Variants in SDK2 observed in about 807,000 individuals in gnomAD.
SDK2 encodes the protein sidekick cell adhesion molecule 2, also known as protein sidekick-2.
In SDK2, 105 loss-of-function variants were observed where a neutral mutation model predicts 253.9. The ratio of observed to expected loss-of-function variants is 0.41; its 90% confidence interval spans 0.35 to 0.49. The LOEUF is 0.49. Ranked by LOEUF, SDK2 falls within the 20% of genes least tolerant of loss-of-function variation. The pLI is 0.06. For synonymous variants in SDK2, 1,249 were observed against 1,234.9 expected (o/e 1.01, Z -0.24); for missense variants, 2,608 against 3,003.0 (o/e 0.87, Z 3.07).
chr17:73,415,584 C>T lies in SDK2; in HGVS notation c.2368+227G>A, dbSNP rs144412151. On this transcript the variant is annotated intron_variant, in intron 17 of 44. Transcript: ENST00000392650. ...TTAGCCTCAAACTCCTGGGCCCAAG[C>T]GATCCACCTGCCATAGCCTCCTGAG... Among the ~76,000 whole-genome samples, 8 of 152,122 alleles carry T rather than the reference C, an allele frequency of 5.3e-5. No homozygotes were observed. In the East Asian group the frequency reaches 1.4e-3, roughly 26 times the overall value.
At chr17:73,635,461 T>C (rs1348975097) in intron 1 of SDK2, among the ~76,000 whole-genome samples, 2 of 152,208 alleles carry the variant, frequency 1.3e-5, no homozygotes, top group East Asian at 3.9e-4. Flanking sequence ...TTTTTGACCT[T>C]TACTCAGATT....
intron 1 of SDK2, chr17:73,640,952 A>G (rs2046391205): frequency 6.6e-6 from 1 of 152,226 alleles, no homozygotes; most frequent in Non-Finnish European, 1.5e-5. Flanking sequence ...GCACATGGGA[A>G]ATCTCTCGAG....
Position 73,422,520 on chromosome 17 carries a change from C to T in SDK2, c.1898-86G>A, listed in dbSNP as rs1022901341. On this transcript the variant is annotated intron_variant, in intron 14 of 44. Coordinates refer to ENST00000392650, the MANE Select transcript of SDK2 (RefSeq NM_001144952.2). ...ACTCCCCACTCCCAGCAGGGTCCAG[C>T]TTCACTGGGGCTGGCAAGAGAGAGC... The T allele has an allele frequency of 2.0e-6, 3 of 1,475,030 alleles. No homozygotes were observed. In the African/African-American group the frequency reaches 4.2e-5, roughly 20 times the overall value. 91.4% of individuals were successfully genotyped at this position (1,475,030 alleles called of 1,614,324 possible). A position where few individuals can be genotyped will look rare whatever the true frequency, so the allele number is the denominator to read the frequency against.
intron 1 of SDK2, among the ~76,000 whole-genome samples, chr17:73,557,969 C>T (rs771944795): frequency 2.6e-5 from 4 of 152,212 alleles, no homozygotes; most frequent in African/African-American, 4.8e-5. Flanking sequence ...CTCAGCCTCT[C>T]CCCAGGGCTC....
chr17:73,592,187 A>G (rs2045692210), intron 1 of SDK2, among the ~76,000 whole-genome samples: 1 of 152,226 alleles, frequency 6.6e-6, no homozygotes, highest in Non-Finnish European at 1.5e-5. Flanking sequence ...CAACTGGAAG[A>G]AAGCATCATG....
Position 73,437,739 on chromosome 17 carries a change from C to A in SDK2, c.1000G>T (p.Gly334Cys), listed in dbSNP as rs2063381058. The change falls in exon 8 of 45, where the codon GGT becomes TGT. Residue 334 changes from glycine (G) to cysteine (C), a missense_variant and splice_region_variant. Around this residue, in one of 2 missense-constraint regions of SDK2, gnomAD observed 1,505 missense variants for 1,859.1 expected, o/e 0.81. Transcript: ENST00000392650. ...CCCTCCAGCGGTGCCACCTCATTACCTTTGGCCTGACAGGGGATGTCCACC... is the reference window on the plus strand; with the variant it reads ...CCCTCCAGCGGTGCCACCTCATTACATTTGGCCTGACAGGGGATGTCCACC... Reference protein sequence around the residue: ...KVVDIPCQAKGVPPPSITWYK... With the variant: ...KVVDIPCQAKCVPPPSITWYK... The A allele has an allele frequency of 6.2e-7, 1 of 1,613,654 alleles. No homozygotes were observed. Among genetic ancestry groups the A allele is most frequent in the East Asian group, 2.2e-5 (1 of 44,888 alleles).
At chr17:73,568,341 T>G (rs2045336467) in intron 1 of SDK2, among the ~76,000 whole-genome samples, 1 of 152,194 alleles carries the variant, frequency 6.6e-6, no homozygotes, top group Non-Finnish European at 1.5e-5. Flanking sequence ...GCTAGAAAGA[T>G]GCTAGTGCCA....
chr17:73,372,085 G>A (rs1019332069), intron 36 of SDK2, among the ~76,000 whole-genome samples: 24 of 152,238 alleles, frequency 1.6e-4, no homozygotes, highest in Non-Finnish European at 1.5e-5. Flanking sequence ...AATGGCTGCA[G>A]TCATGCTCTT....
chr17:73,467,912 G>T lies in SDK2; in HGVS notation c.331+4200C>A, dbSNP rs2063614141. ...CTGGTGGACAGGGGGAGGTTAACCTGGGTCTCTCTCTCTGCTCCCCCTTCA... is the reference window on the plus strand; with the variant it reads ...CTGGTGGACAGGGGGAGGTTAACCTTGGTCTCTCTCTCTGCTCCCCCTTCA... On this transcript the variant is annotated intron_variant, in intron 3 of 44. Coordinates refer to ENST00000392650, the MANE Select transcript of SDK2 (RefSeq NM_001144952.2). This position sits in a 1 kb window ranked among gnomAD's most constrained non-coding sequence, Gnocchi z 4.1. Among the ~76,000 whole-genome samples, 2 of 152,154 alleles carry T rather than the reference G, an allele frequency of 1.3e-5. No individual in the cohort carries two copies. Among genetic ancestry groups the T allele is most frequent in the African/African-American group, 2.4e-5 (1 of 41,434 alleles).
chr17:73,521,619 T>C (rs1159693847), intron 1 of SDK2, among the ~76,000 whole-genome samples: 1 of 152,086 alleles, frequency 6.6e-6, no homozygotes, highest in Non-Finnish European at 1.5e-5. Flanking sequence ...CTCCTCTGGG[T>C]TCTGGAGGGT....
At chr17:73,640,672 G>T (rs2046387645) in intron 1 of SDK2, among the ~76,000 whole-genome samples, 1 of 152,192 alleles carries the variant, frequency 6.6e-6, no homozygotes, top group East Asian at 1.9e-4. Context: ...GCTCCCTTGT[G>T]TACTGTTGGC....
At chr17:73,469,800 C>T (rs1340773896) in intron 3 of SDK2, among the ~76,000 whole-genome samples, 1 of 152,098 alleles carries the variant, frequency 6.6e-6, no homozygotes, top group Non-Finnish European at 1.5e-5. Context: ...GAAACACTGA[C>T]CTCCCTTCCT....
chr17:73,424,201 A>T (rs1214079555), intron 12 of SDK2, 109 bp from the exon 13 acceptor site: 6 of 849,510 alleles, frequency 7.1e-6, no homozygotes. Context: ...GGCAGAGGAC[A>T]ACTGCAGGCA....
chr17:73,590,256 C>T (rs149228091), intron 1 of SDK2, among the ~76,000 whole-genome samples: 2 of 152,232 alleles, frequency 1.3e-5, no homozygotes, highest in African/African-American at 2.4e-5. Context: ...GAATCTGTTA[C>T]TGTAATCCAG....
rs4969103 is a variant in SDK2 at position 73,336,082 on chromosome 17, C to T, written c.*2505G>A. On this transcript the variant is annotated 3_prime_UTR_variant, in exon 45 of 45. Coordinates refer to ENST00000392650, the MANE Select transcript of SDK2 (RefSeq NM_001144952.2). ...ACTCCTGCTTCCTCCCAAATAATCC[C>T]TCACTGGGCTGGGCTTAAATAATTC... The T allele has an allele frequency of 2.0e-5, 3 of 151,960 alleles. No individual in the cohort carries two copies. Among genetic ancestry groups the T allele is most frequent in the Non-Finnish European group, 4.4e-5 (3 of 68,012 alleles). The allele number at this position is 151,960 out of a possible 1,614,324, so 9.4% of individuals were successfully genotyped here. A position where few individuals can be genotyped will look rare whatever the true frequency, so the allele number is the denominator to read the frequency against.
intron 3 of SDK2, among the ~76,000 whole-genome samples, chr17:73,469,102 C>T (rs182408857): frequency 2.5e-4 from 38 of 152,326 alleles, no homozygotes; most frequent in Admixed American, 2.1e-3. Context: ...GGATTACAGG[C>T]GTGAGCCACT....
chr17:73,451,031 A>G (rs1040089238), intron 4 of SDK2, among the ~76,000 whole-genome samples: 2 of 152,242 alleles, frequency 1.3e-5, no homozygotes, highest in Admixed American at 6.5e-5. Flanking sequence ...GCTTGCATCC[A>G]GGTGGGGCAG....
intron 32 of SDK2, among the ~76,000 whole-genome samples, 183 bp downstream of exon 32, chr17:73,385,664 G>A (rs1444369570): frequency 6.6e-5 from 10 of 152,180 alleles, no homozygotes; most frequent in African/African-American, 2.4e-4. Context: ...TGTATGTGTG[G>A]GCACACGGTG....
Position 73,445,808 on chromosome 17 carries a change from G to A in SDK2, c.613+1807C>T, listed in dbSNP as rs188496495. Among the ~76,000 whole-genome samples, 516 of 152,288 alleles carry A rather than the reference G, an allele frequency of 3.4e-3. 1 individual carries two copies. The highest frequency in any genetic ancestry group is 6.8e-3 in the Middle Eastern group (2 of 294). On this transcript the variant is annotated intron_variant, in intron 5 of 44. Transcript: ENST00000392650. ...AAAGAGAAATTAGCTAAAAATCAGC[G>A]GATTCTGCTCTGAATTCAGGATAAA...
Sources: gnomAD v4.1 joint callset for allele counts (sites outside exome capture counted in the v4.1 genomes callset) on GRCh38, gnomAD v4.1.1 for gene constraint, gnomAD v4.1.1 regional missense constraint, Gnocchi (gnomAD v3.1) non-coding constraint, MANE v1.5 for transcripts, NCBI Gene and HGNC (gene_info 2026-07-23, HGNC 2026-07-21) for gene names.